SPANXN2: variants seen among roughly 807,000 people sequenced by gnomAD.
SPANXN2 encodes SPANX family member N2, also known as sperm protein associated with the nucleus on the X chromosome N2.
SPANXN2 carries 1 observed loss-of-function variant against 2.0 expected under a neutral mutation model. That is an observed-to-expected ratio of 0.50 (90% CI 0.18 to 2.36). The LOEUF is 2.36. Ranked by LOEUF, SPANXN2 falls within the 30% of genes most tolerant of loss-of-function variation. The pLI is 0.26. For synonymous variants in SPANXN2, 43 were observed against 49.8 expected (o/e 0.86, Z 0.58); for missense variants, 88 against 116.7 (o/e 0.75, Z 1.13).
intron 1 of SPANXN2, among the ~76,000 whole-genome samples, chrX:143,715,497 C>T (rs1395523234): frequency 9.1e-6 from 1 of 109,812 alleles, no homozygotes; most frequent in African/African-American, 3.3e-5. Flanking sequence ...ACGCTTCCCT[C>T]TCCCCCCACT....
Position 143,712,455 on chromosome X carries a change from C to T in SPANXN2, c.123G>A (p.Leu41=), listed in dbSNP as rs781874901. The T allele has an allele frequency of 5.8e-6, 7 of 1,211,844 alleles. No homozygotes were observed. In the South Asian group the frequency reaches 1.1e-4, roughly 18 times the overall value. Reference sequence around the variant, plus strand: ...GATATTCTATTGTTTTTGTCTTTTGCAAGCTCTGTTTGGGGGCTAAGACCC... The same window carrying T: ...GATATTCTATTGTTTTTGTCTTTTGTAAGCTCTGTTTGGGGGCTAAGACCC... Residue 41 remains leucine, a synonymous_variant, in exon 2 of 2, where the codon TTG becomes TTA. Transcript: ENST00000598475.
intron 1 of SPANXN2, among the ~76,000 whole-genome samples, chrX:143,719,242 C>A (rs1399680989): frequency 9.0e-6 from 1 of 111,036 alleles, no homozygotes; most frequent in East Asian, 2.8e-4. Context: ...TCTTATCAAC[C>A]CCTCCCCTTT....
intron 1 of SPANXN2, among the ~76,000 whole-genome samples, chrX:143,715,220 G>C (rs1476164752): frequency 9.0e-5 from 10 of 111,049 alleles, no homozygotes; most frequent in Middle Eastern, 4.7e-3. Flanking sequence ...ATACTCAATA[G>C]GACAACTAGT....
At chrX:143,719,871 A>T (rs1283519575) in intron 1 of SPANXN2, among the ~76,000 whole-genome samples, 1 of 109,422 alleles carries the variant, frequency 9.1e-6, no homozygotes, top group Non-Finnish European at 1.9e-5. Context: ...CTGATAGTAC[A>T]TTTGGCCGAT....
chrX:143,719,928 C>T (rs1932334063), intron 1 of SPANXN2, among the ~76,000 whole-genome samples: 3 of 110,111 alleles, frequency 2.7e-5, no homozygotes, highest in Non-Finnish European at 5.7e-5. Flanking sequence ...GGCTAAACTC[C>T]CCTCTCCAGG....
chrX:143,712,797 C>A (rs782244023), intron 1 of SPANXN2, among the ~76,000 whole-genome samples: 189 of 111,866 alleles, frequency 1.7e-3, no homozygotes, highest in South Asian at 0.014. Context: ...TGCCTAACCA[C>A]CTGACCACAG....
intron 1 of SPANXN2, among the ~76,000 whole-genome samples, chrX:143,713,892 ACT>A (rs58045166): frequency 0.042 from 3,726 of 87,774 alleles, 119 homozygotes; most frequent in African/African-American, 0.1. Flanking sequence ...TTCATGCCTC[ACT>A]CTCTCTCTCT....
intron 1 of SPANXN2, among the ~76,000 whole-genome samples, chrX:143,713,328 C>A (rs782037602): frequency 1.8e-5 from 2 of 111,589 alleles, no homozygotes; most frequent in Non-Finnish European, 3.8e-5. Flanking sequence ...AGTGATCAAA[C>A]AAGCCACCTT....
rs149983529 is a variant in SPANXN2 at position 143,712,673 on chromosome X, A to G, written c.79-174T>C. On this transcript the variant is annotated intron_variant, in intron 1 of 1. Coordinates refer to ENST00000598475, the Ensembl canonical transcript of SPANXN2. The stretch of plus-strand genomic sequence containing the variant: ...ATCTATGGGGAAGAAGAAGAGGAGC[A>G]TGGGTAGGGTCATCTGTTAGTCCAA... Among the ~76,000 whole-genome samples, 400 of 110,938 alleles carry G rather than the reference A, an allele frequency of 3.6e-3. 3 individuals are homozygous for G. Among genetic ancestry groups the G allele is most frequent in the African/African-American group, 0.011 (350 of 30,460 alleles).
At chrX:143,712,755 C>T (rs782478351) in intron 1 of SPANXN2, among the ~76,000 whole-genome samples, 3 of 111,591 alleles carry the variant, frequency 2.7e-5, no homozygotes, top group East Asian at 5.7e-4. Flanking sequence ...AAGTGAGACA[C>T]TCCATGGGGG....
intron 1 of SPANXN2, 76 bp from the exon 2 acceptor site, chrX:143,712,575 C>T: frequency 1.0e-6 from 1 of 966,260 alleles, no homozygotes; most frequent in Non-Finnish European, 1.4e-6. Context: ...GCAAGGGGGG[C>T]TTTATGAGAA....
intron 1 of SPANXN2, among the ~76,000 whole-genome samples, chrX:143,715,848 ATACTC>A (rs1321068923): frequency 9.0e-6 from 1 of 111,221 alleles, no homozygotes; most frequent in Non-Finnish European, 1.9e-5. Flanking sequence ...CTCAACCAAT[ATACTC>A]TACTCTACCG....
In SPANXN2 at chrX:143,712,898, A is replaced by C. The variant is rs782241304; in HGVS notation, c.79-399T>G. 1.2e-3 allele frequency among the ~76,000 whole-genome samples: 132 copies of C among 111,396 alleles called. 1 individual carries two copies. Among genetic ancestry groups the C allele is most frequent in the Non-Finnish European group, 2.3e-3 (123 of 53,046 alleles). On this transcript the variant is annotated intron_variant, in intron 1 of 1. Coordinates refer to ENST00000598475, the Ensembl canonical transcript of SPANXN2. ...GCCACAATGATATTCCACTGGAAAA[A>C]GGGCCAAACCACCTGATCATAAGAA...
At chrX:143,719,125 C>A (rs185639015) in intron 1 of SPANXN2, among the ~76,000 whole-genome samples, 4,725 of 110,872 alleles carry the variant, frequency 0.043, 245 homozygotes, top group African/African-American at 0.15. Flanking sequence ...TTTCCCCCCC[C>A]ACCAATCCAT....
chrX:143,712,395 C>G (rs782774590), exon 2 of SPANXN2: 3 of 1,212,331 alleles, frequency 2.5e-6, no homozygotes, highest in East Asian at 5.9e-5. Context: ...AATTTATTTT[C>G]GTATGCTTCC....
exon 2 of SPANXN2, chrX:143,711,995 G>A: frequency 8.3e-7 from 1 of 1,209,389 alleles, no homozygotes; most frequent in Non-Finnish European, 1.1e-6. Flanking sequence ...CATCGCCATT[G>A]GTAGTGAGGA....
At chrX:143,715,077 A>C (rs1932235586) in intron 1 of SPANXN2, among the ~76,000 whole-genome samples, 1 of 110,294 alleles carries the variant, frequency 9.1e-6, no homozygotes, top group South Asian at 3.9e-4. Context: ...GCTCACTGAA[A>C]CTCTTCATCC....
chrX:143,715,907 A>C (rs1932253758), intron 1 of SPANXN2, among the ~76,000 whole-genome samples: 1 of 111,600 alleles, frequency 9.0e-6, no homozygotes, highest in Admixed American at 9.5e-5. Flanking sequence ...GAACTAAAAG[A>C]CAACTATTTC....
intron 1 of SPANXN2, among the ~76,000 whole-genome samples, chrX:143,716,288 C>T (rs1932262071): frequency 9.0e-6 from 1 of 111,084 alleles, no homozygotes; most frequent in African/African-American, 3.3e-5. Flanking sequence ...TGTTCTAACC[C>T]CTAATTCTCG....
Sources: gnomAD v4.1 joint callset for allele counts (sites outside exome capture counted in the v4.1 genomes callset) on GRCh38, gnomAD v4.1.1 for gene constraint, MANE v1.5 for transcripts, NCBI Gene and HGNC (gene_info 2026-07-23, HGNC 2026-07-21) for gene names.